LIN9: variants seen among roughly 807,000 people sequenced by gnomAD.
The protein encoded by LIN9 is lin-9 DREAM MuvB core complex component, also known as protein lin-9 homolog.
LIN9 carries 18 observed loss-of-function variants against 78.0 expected under a neutral mutation model. That is an observed-to-expected ratio of 0.23 (90% CI 0.16 to 0.34). The LOEUF (loss-of-function observed/expected upper bound fraction) is 0.34, where lower values mean the gene tolerates loss of function less well. Among genes scored for constraint, LIN9 ranks in the 10% least tolerant of loss-of-function variants. The probability of loss-of-function intolerance (pLI) is 1.00; values close to 1 mark genes in which losing one functional copy is unlikely to be tolerated. For missense variants in LIN9, 451 were observed against 644.1 expected (o/e 0.70, Z 3.25); for synonymous variants, 192 against 215.2 (o/e 0.89, Z 0.94).
intron 1 of LIN9, among the ~76,000 whole-genome samples, chr1:226,308,199 T>G (rs1478237298): frequency 6.6e-6 from 1 of 152,232 alleles, no homozygotes; most frequent in East Asian, 1.9e-4. Context: ...TCATATAATT[T>G]ATGCAATATT....
At chr1:226,295,341 C>T (rs539002607) in intron 4 of LIN9, among the ~76,000 whole-genome samples, 3 of 151,824 alleles carry the variant, frequency 2.0e-5, no homozygotes, top group East Asian at 3.9e-4. Context: ...CCCAGGTACT[C>T]GGGAGGCTGA....
At position 226,286,389 on chromosome 1, in the gene LIN9, T is replaced by C; in HGVS notation, c.468A>G (p.Arg156=). The stretch of plus-strand genomic sequence containing the variant: ...TTCCCCATTCTACTCTTGTTAACTT[T>C]CTTGTTTTCAAATTAGGAAAAGATT... The part of the protein sequence containing the change: ...LKESFPNLKT[R]KLTRVEWGKI... The change falls in exon 6 of 15, where the codon AGA becomes AGG. Residue 156 remains arginine (R), a synonymous_variant. Transcript: ENST00000681046. 2 of 1,612,738 alleles carry C rather than the reference T, an allele frequency of 1.2e-6. No individual in the cohort carries two copies. The highest frequency in any genetic ancestry group is 1.7e-6 in the Non-Finnish European group (2 of 1,179,442).
At chr1:226,266,192 A>G (rs928229218) in intron 9 of LIN9, 21 bp downstream of exon 9, 1 of 1,486,868 alleles carries the variant, frequency 6.7e-7, no homozygotes, top group East Asian at 2.5e-5. Flanking sequence ...TAAATTATTG[A>G]TATTTCTAAA....
intron 7 of LIN9, among the ~76,000 whole-genome samples, chr1:226,272,701 G>T (rs947109860): frequency 1.3e-5 from 2 of 151,724 alleles, no homozygotes; most frequent in African/African-American, 4.8e-5. Flanking sequence ...GCCCTCCTAG[G>T]CTCCTAGATT....
At chr1:226,241,412 CTCTA>C (rs1297168120) in intron 11 of LIN9, among the ~76,000 whole-genome samples, 7 of 152,110 alleles carry the variant, frequency 4.6e-5, no homozygotes, top group African/African-American at 1.7e-4. Flanking sequence ...TCATTAAAAG[CTCTA>C]TCTCTTACAG....
chr1:226,276,910 A>C (rs992893752), intron 7 of LIN9, among the ~76,000 whole-genome samples: 1 of 152,242 alleles, frequency 6.6e-6, no homozygotes, highest in Non-Finnish European at 1.5e-5. Context: ...TGAATAATTT[A>C]GTTTTATTCA....
chr1:226,261,124 C>T lies in LIN9; in HGVS notation c.1038+4409G>A, dbSNP rs545082690. ...CTCTCAGTAAGCTAGGAATAGACAA[C>T]GTCCTCAACCTGATAAAAAAAAAAA... is the stretch of plus-strand genomic sequence containing the variant. On this transcript the variant is annotated intron_variant, in intron 10 of 14. Coordinates refer to ENST00000681046, the MANE Select transcript of LIN9 (RefSeq NM_001366245.2). Among the ~76,000 whole-genome samples the T allele has an allele frequency of 8.6e-5, 13 of 150,512 alleles. No individual in the cohort carries two copies. The East Asian group carries it at 9.7e-4, about 11-fold the overall frequency.
At chr1:226,298,276 T>G (rs974584813) in intron 2 of LIN9, among the ~76,000 whole-genome samples, 7 of 152,338 alleles carry the variant, frequency 4.6e-5, no homozygotes, top group African/African-American at 1.7e-4. Flanking sequence ...TGGCACAATC[T>G]TGGCTCACTG....
At chr1:226,300,398 G>T (rs1043779670) in intron 2 of LIN9, among the ~76,000 whole-genome samples, 2 of 150,752 alleles carry the variant, frequency 1.3e-5, no homozygotes, top group South Asian at 4.2e-4. Context: ...AAAAAATAAA[G>T]AAATTAGCTG....
intron 11 of LIN9, 59 bp downstream of exon 11, chr1:226,250,780 T>A: frequency 1.2e-6 from 1 of 827,926 alleles, no homozygotes; most frequent in Non-Finnish European, 2.0e-6. Context: ...TAGATATAGA[T>A]GGTCTCACTA....
intron 11 of LIN9, among the ~76,000 whole-genome samples, chr1:226,246,852 C>A (rs947712186): frequency 6.6e-6 from 1 of 150,380 alleles, no homozygotes; most frequent in African/African-American, 2.4e-5. Flanking sequence ...TTATTTATCT[C>A]ATTGGGGTTG....
rs561010144 is a variant in LIN9, at chr1:226,286,119, T to A, written c.524+214A>T. On this transcript the variant is annotated intron_variant, in intron 6 of 14. Coordinates refer to ENST00000681046, the MANE Select transcript of LIN9 (RefSeq NM_001366245.2). ...TAACAACTATTATTTATTGATTTTA[T>A]TTTTTAATTCTTTTTTAGAGGAATG... Among the ~76,000 whole-genome samples, 398 of 152,332 alleles carry A rather than the reference T, an allele frequency of 2.6e-3. 1 individual carries two copies. The highest frequency in any genetic ancestry group is 9.1e-3 in the African/African-American group (378 of 41,578).
intron 8 of LIN9, 92 bp downstream of exon 8, chr1:226,267,865 T>TCAA: frequency 7.5e-7 from 1 of 1,327,076 alleles, no homozygotes; most frequent in Non-Finnish European, 1.0e-6. Flanking sequence ...AGATAAAGTC[T>TCAA]TGATTCTATC....
intron 12 of LIN9, among the ~76,000 whole-genome samples, chr1:226,237,066 T>C (rs1299294077): frequency 1.3e-5 from 2 of 152,244 alleles, no homozygotes; most frequent in African/African-American, 4.8e-5. Context: ...TTTTAAAATC[T>C]ATATTGTAGT....
At position 226,233,163 on chromosome 1, in the gene LIN9, A is replaced by C. The variant is rs770980396; in HGVS notation, c.1456T>G (p.Phe486Val). The C allele has an allele frequency of 3.7e-6, 6 of 1,607,014 alleles. No homozygotes were observed. Among genetic ancestry groups the C allele is most frequent in the African/African-American group, 1.3e-5 (1 of 74,676 alleles). ...CLAEGGDLNS[F>V]EFKSLTDSLN... is the part of the protein sequence containing the mutation. ...GAGTCTGTAAGTGATTTGAATTCAAAGGAATTCAGGTCTCCTCCTTCTGCT... is the reference window on the plus strand; with the variant it reads ...GAGTCTGTAAGTGATTTGAATTCAACGGAATTCAGGTCTCCTCCTTCTGCT... The change falls in exon 14 of 15, where the codon TTT (phenylalanine) becomes GTT (valine). Residue 486 changes from phenylalanine (F) to valine (V), a missense_variant. Physicochemically the swap from Phe to Val is conservative, Grantham distance 50. Transcript: ENST00000681046.
intron 4 of LIN9, among the ~76,000 whole-genome samples, chr1:226,290,636 G>A (rs371761252): frequency 3.8e-4 from 58 of 152,082 alleles, no homozygotes; most frequent in African/African-American, 9.9e-4. Flanking sequence ...CACCGCACCC[G>A]GCCAAGGCTA....
chr1:226,248,659 TATC>T (rs1180017099), intron 11 of LIN9, among the ~76,000 whole-genome samples: 2 of 152,214 alleles, frequency 1.3e-5, no homozygotes, highest in African/African-American at 4.8e-5. Flanking sequence ...TAAGCCAATA[TATC>T]ATAATTTAAT....
At position 226,233,207 on chromosome 1, in the gene LIN9, A is replaced by G; in HGVS notation, c.1426-14T>C. ...TTCTGCTAGACACTAAAGGGAAAAA[A>G]ATTTCAAAATTTAATTGCATTATAG... On this transcript the variant is annotated splice_polypyrimidine_tract_variant and intron_variant, in intron 13 of 14. Transcript: ENST00000681046. The G allele has an allele frequency of 6.3e-7, 1 of 1,576,520 alleles. No individual in the cohort carries two copies.
At chr1:226,306,528 A>C (rs1420183365) in intron 1 of LIN9, among the ~76,000 whole-genome samples, 1 of 152,174 alleles carries the variant, frequency 6.6e-6, no homozygotes, top group Admixed American at 6.5e-5. Context: ...AAGAGATATC[A>C]AGAAAGGGAG....
Sources: gnomAD v4.1 joint callset for allele counts (sites outside exome capture counted in the v4.1 genomes callset) on GRCh38, gnomAD v4.1.1 for gene constraint, MANE v1.5 for transcripts, NCBI Gene and HGNC (gene_info 2026-07-23, HGNC 2026-07-21) for gene names.